The following ASNS variants were observed in gnomAD, a reference collection of about 807,000 sequenced individuals.
The protein encoded by ASNS is asparagine synthetase (glutamine-hydrolyzing).
A neutral mutation model predicts 62.6 loss-of-function variants in ASNS; 37 were observed. The ratio of observed to expected loss-of-function variants is 0.59; its 90% confidence interval spans 0.45 to 0.78. The LOEUF is 0.78. Ranked by LOEUF, ASNS falls within the 30% of genes least tolerant of loss-of-function variation. The pLI is 0.00. For synonymous variants in ASNS, 207 were observed against 237.9 expected (o/e 0.87, Z 1.19); for missense variants, 520 against 682.4 (o/e 0.76, Z 2.65).
the ASNS span, among the ~76,000 whole-genome samples, chr7:97,902,502 A>G: frequency 2.0e-5 from 3 of 152,138 alleles, no homozygotes; most frequent in Non-Finnish European, 4.4e-5. Flanking sequence ...GCTTGAGCCC[A>G]GGAGCTTGAG....
the ASNS span, among the ~76,000 whole-genome samples, chr7:97,922,561 C>A: frequency 6.6e-6 from 1 of 152,124 alleles, no homozygotes; most frequent in Non-Finnish European, 1.5e-5. Flanking sequence ...ACTTGGAAAT[C>A]ACTAAGAGAG....
chr7:97,872,559 G>C (rs1302319353), upstream of ASNS: 2 of 152,420 alleles, frequency 1.3e-5, no homozygotes, highest in African/African-American at 4.8e-5. Flanking sequence ...GGCGGCGGAA[G>C]GGCGCAAGGA....
At chr7:97,915,716 C>G in the ASNS span, among the ~76,000 whole-genome samples, 11 of 151,844 alleles carry the variant, frequency 7.2e-5, no homozygotes, top group East Asian at 2.1e-3. Flanking sequence ...GAAAATCTTT[C>G]CAGGAAGAAA....
At chr7:97,869,203 T>C in intron 2 of ASNS, 24 bp from the exon 3 acceptor site, 1 of 1,596,284 alleles carries the variant, frequency 6.3e-7, no homozygotes, top group South Asian at 1.1e-5. Context: ...AGCAGACAAA[T>C]CAAAAATATT....
chr7:97,883,223 A>G, the ASNS span, among the ~76,000 whole-genome samples: 1 of 152,100 alleles, frequency 6.6e-6, no homozygotes, highest in Non-Finnish European at 1.5e-5. Flanking sequence ...GCAAAAAAAA[A>G]ATTCATATGT....
At chr7:97,854,974 ACT>A in intron 9 of ASNS, 1 of 369,970 alleles carries the variant, frequency 2.7e-6, no homozygotes, top group Non-Finnish European at 4.6e-6. Context: ...TTTATTTTTA[ACT>A]TTTTTTTTTT....
At chr7:97,871,366 T>C (rs1263362257) in intron 1 of ASNS, among the ~76,000 whole-genome samples, 2 of 152,164 alleles carry the variant, frequency 1.3e-5, no homozygotes, top group South Asian at 4.1e-4. Flanking sequence ...CTATTCCACT[T>C]AGTGCTACTT....
the ASNS span, among the ~76,000 whole-genome samples, chr7:97,903,242 GTTTT>G: frequency 3.5e-5 from 5 of 142,724 alleles, no homozygotes; most frequent in South Asian, 6.8e-4. Flanking sequence ...AAGATCCAGA[GTTTT>G]TTTTTTTTTT....
chr7:97,880,560 A>G, the ASNS span, among the ~76,000 whole-genome samples: 1 of 152,138 alleles, frequency 6.6e-6, no homozygotes, highest in African/African-American at 2.4e-5. Flanking sequence ...GCCTGTTTCA[A>G]TATGTACAGT....
chr7:97,916,242 A>T, the ASNS span, among the ~76,000 whole-genome samples: 1 of 151,942 alleles, frequency 6.6e-6, no homozygotes, highest in African/African-American at 2.4e-5. Flanking sequence ...TTAGCTGGGT[A>T]TGGTTGTGGG....
At chr7:97,915,281 A>T in the ASNS span, among the ~76,000 whole-genome samples, 1 of 152,238 alleles carries the variant, frequency 6.6e-6, no homozygotes, top group South Asian at 2.1e-4. Flanking sequence ...GAGAAGAACC[A>T]TACTGAAGTG....
the ASNS span, among the ~76,000 whole-genome samples, chr7:97,886,438 C>T: frequency 2.6e-5 from 4 of 152,098 alleles, no homozygotes; most frequent in African/African-American, 7.2e-5. Context: ...TGAGCCACTG[C>T]GCCTGGCCTA....
At chr7:97,891,572 A>G in the ASNS span, among the ~76,000 whole-genome samples, 1 of 152,242 alleles carries the variant, frequency 6.6e-6, no homozygotes, top group Non-Finnish European at 1.5e-5. Flanking sequence ...GTTACTTCCT[A>G]GATACAATGG....
At chr7:97,910,813 G>A in the ASNS span, among the ~76,000 whole-genome samples, 3 of 152,098 alleles carry the variant, frequency 2.0e-5, no homozygotes, top group Non-Finnish European at 4.4e-5. Context: ...TGTTGGTCAG[G>A]ATGGTCTTGA....
the ASNS span, chr7:97,899,060 C>T: frequency 5.0e-6 from 3 of 600,070 alleles, no homozygotes; most frequent in South Asian, 1.9e-5. Context: ...GGACCAACTA[C>T]TTTCTTCTTA....
intron 10 of ASNS, among the ~76,000 whole-genome samples, chr7:97,854,231 C>T (rs1267934536): frequency 2.0e-5 from 3 of 152,206 alleles, no homozygotes; most frequent in Non-Finnish European, 4.4e-5. Context: ...AAACACTTAA[C>T]GGTAGCTGCT....
the ASNS span, among the ~76,000 whole-genome samples, chr7:97,910,526 C>G: frequency 5.3e-5 from 8 of 152,200 alleles, no homozygotes; most frequent in South Asian, 1.7e-3. Context: ...CCCCCTCCTC[C>G]CCACAGGAGG....
the ASNS span, among the ~76,000 whole-genome samples, chr7:97,896,282 C>G: frequency 2.6e-5 from 4 of 151,926 alleles, no homozygotes; most frequent in Admixed American, 2.6e-4. Context: ...CCTCACACTA[C>G]CTGATTTAAA....
the ASNS span, among the ~76,000 whole-genome samples, chr7:97,889,933 A>AAAAAAAAAAAAAAAAAAAC: frequency 6.8e-6 from 1 of 147,770 alleles, no homozygotes; most frequent in Non-Finnish European, 1.5e-5. Flanking sequence ...AATACAAAAA[A>AAAAAAAAAAAAAAAAAAAC]AAAAAAAAAA....
Sources: gnomAD v4.1 joint callset for allele counts (sites outside exome capture counted in the v4.1 genomes callset) on GRCh38, gnomAD v4.1.1 for gene constraint, MANE v1.5 for transcripts, NCBI Gene and HGNC (gene_info 2026-07-23, HGNC 2026-07-21) for gene names.